Variants in ARAP1 observed in about 807,000 individuals in gnomAD.
The protein encoded by ARAP1 is arf-GAP with Rho-GAP domain, ANK repeat and PH domain-containing protein 1.
ARAP1 carries 76 observed loss-of-function variants against 172.2 expected under a neutral mutation model. The ratio of observed to expected loss-of-function variants is 0.44; its 90% CI spans 0.37 to 0.53. The LOEUF is 0.53. Among genes scored for constraint, ARAP1 ranks in the 20% least tolerant of loss-of-function variants. The pLI, the probability that ARAP1 is intolerant of heterozygous loss-of-function variation, is 0.00. For synonymous variants in ARAP1, 804 were observed against 803.3 expected (o/e 1.00, Z -0.01); for missense variants, 1,686 against 1,977.5 (o/e 0.85, Z 2.80).
In ARAP1 at chr11:72,693,227, TA is replaced by T. The variant is rs1856017908; in HGVS notation, c.3954+97del. 6.6e-7 allele frequency: 1 copy of T among 1,508,770 alleles called. No individual in the cohort carries two copies. The highest frequency in any genetic ancestry group is 1.9e-5 in the Admixed American group (1 of 53,632). The allele number at this position is 1,508,770 out of a possible 1,614,324, so 93.5% of individuals were successfully genotyped here. On this transcript the variant is annotated intron_variant, in intron 29 of 34. Coordinates refer to ENST00000393609, the MANE Select transcript of ARAP1 (RefSeq NM_001040118.3). The surrounding 1 kb of genome is among the most constrained non-coding windows in gnomAD (Gnocchi z 4.6). ...ACTGCTGTGCCATCCTGAGAGCCTG[TA>T]ACGGGAATATTTCCACTTGCAGACC...
At chr11:72,687,365 A>C (rs1855736209) in intron 33 of ARAP1, 74 bp downstream of exon 33, 1 of 1,576,694 alleles carries the variant, frequency 6.3e-7, no homozygotes, top group Non-Finnish European at 8.7e-7. Flanking sequence ...AATAGCACAG[A>C]AGCCAATGTC....
chr11:72,712,478 C>T lies in ARAP1; in HGVS notation c.838G>A (p.Asp280Asn). ...GEELSGDDQG[D>N]EEEDDHAYEG... ...TAGGCGTGGTCATCCTCTTCCTCATCCCCTTGGTCGTCCCCAGACAGTTCC... is the reference window on the plus strand; with the variant it reads ...TAGGCGTGGTCATCCTCTTCCTCATTCCCTTGGTCGTCCCCAGACAGTTCC... The change falls in exon 6 of 35, where the codon GAT (aspartate) becomes AAT (asparagine). Residue 280 changes from aspartate (D) to asparagine (N), a missense_variant. Coordinates refer to ENST00000393609, the MANE Select transcript of ARAP1 (RefSeq NM_001040118.3). 1.2e-6 allele frequency: 2 copies of T among 1,608,520 alleles called. No homozygotes were observed. The highest frequency in any genetic ancestry group is 1.7e-6 in the Non-Finnish European group (2 of 1,175,904).
intron 1 of ARAP1, among the ~76,000 whole-genome samples, chr11:72,734,260 A>G (rs754941304): frequency 6.6e-6 from 1 of 152,260 alleles, no homozygotes; most frequent in Admixed American, 6.5e-5. Context: ...AGCTGGAACT[A>G]CAAGTGCATG....
rs756738142 is a variant in ARAP1 at position 72,711,109 on chromosome 11, G to A, written c.1125C>T (p.Ala375=). The part of the protein sequence containing the change: ...DAYSKRFISV[A]CISHVAAIGD... ...CGATGGCAGCCACGTGGGAGATGCAGGCCACAGAGATAAAGCGCTTAGAGT... is the reference window on the plus strand; with the variant it reads ...CGATGGCAGCCACGTGGGAGATGCAAGCCACAGAGATAAAGCGCTTAGAGT... Residue 375 remains alanine (A), a synonymous_variant, in exon 9 of 35, where the codon GCC becomes GCT. Transcript: ENST00000393609. The A allele has an allele frequency of 3.7e-6, 6 of 1,614,208 alleles. No homozygotes were observed. The highest frequency in any genetic ancestry group is 5.1e-6 in the Non-Finnish European group (6 of 1,180,036).
At chr11:72,728,901 AT>A (rs893448866) in intron 2 of ARAP1, among the ~76,000 whole-genome samples, 1 of 152,126 alleles carries the variant, frequency 6.6e-6, no homozygotes, top group Non-Finnish European at 1.5e-5. Flanking sequence ...TATGTACAGA[AT>A]TTTTTTTGAA....
Position 72,710,592 on chromosome 11 carries a change from A to C in ARAP1, c.1214-5T>G. 6.2e-7 allele frequency: 1 copy of C among 1,602,948 alleles called. No homozygotes were observed. Among genetic ancestry groups the C allele is most frequent in the Non-Finnish European group, 8.5e-7 (1 of 1,178,284 alleles). On this transcript the variant is annotated splice_region_variant and splice_polypyrimidine_tract_variant and intron_variant, in intron 9 of 34. Transcript: ENST00000393609. This position sits in a 1 kb window ranked among gnomAD's most constrained non-coding sequence, Gnocchi z 4.3. Reference sequence around the variant, plus strand: ...GCATCCACTCCTTCCGCTCCACTGCAGGAGAAGGGTAGAGGAGTAAGCCCA... The same window carrying C: ...GCATCCACTCCTTCCGCTCCACTGCCGGAGAAGGGTAGAGGAGTAAGCCCA...
intron 5 of ARAP1, 67 bp downstream of exon 5, chr11:72,713,109 G>A: frequency 6.6e-7 from 1 of 1,517,496 alleles, no homozygotes; most frequent in Non-Finnish European, 9.1e-7. Context: ...TAGTCCTCAG[G>A]GTCTGACAGG....
intron 5 of ARAP1, 176 bp downstream of exon 5, chr11:72,713,000 G>T: frequency 1.5e-6 from 1 of 686,568 alleles, no homozygotes. Context: ...CTGGCCCAGA[G>T]CGCTGTGGCT....
chr11:72,712,662 G>A (rs745646963), intron 5 of ARAP1, 94 bp from the exon 6 acceptor site: 9 of 1,586,064 alleles, frequency 5.7e-6, no homozygotes, highest in Admixed American at 3.4e-5. Context: ...ACACAGCCCC[G>A]ACCCACACAG....
At chr11:72,708,962 T>C (rs1156289571) in intron 11 of ARAP1, among the ~76,000 whole-genome samples, 2 of 146,122 alleles carry the variant, frequency 1.4e-5, no homozygotes, top group East Asian at 4.1e-4. Context: ...CACTTGAACC[T>C]GGAGGCAGAG....
At chr11:72,723,337 A>G (rs959295815) in intron 3 of ARAP1, among the ~76,000 whole-genome samples, 6 of 152,146 alleles carry the variant, frequency 3.9e-5, no homozygotes, top group Non-Finnish European at 7.4e-5. Context: ...AATAATAATA[A>G]TAATAGCAGG....
chr11:72,710,100 G>T lies in ARAP1; in HGVS notation c.1417-124C>A. 1 of 901,874 alleles carries T rather than the reference G, an allele frequency of 1.1e-6. No homozygotes were observed. The highest frequency in any genetic ancestry group is 1.8e-6 in the Non-Finnish European group (1 of 556,806). The allele number at this position is 901,874 out of a possible 1,614,324, so 55.9% of individuals were successfully genotyped here. A position where few individuals can be genotyped will look rare whatever the true frequency, so the allele number is the denominator to read the frequency against. Reference sequence around the variant, plus strand: ...GGGGGGGGTGCCCAGGAGGGAGACAGCAGGGGACATGGGAGGCTGGGCAGG... The same window carrying T: ...GGGGGGGGTGCCCAGGAGGGAGACATCAGGGGACATGGGAGGCTGGGCAGG... On this transcript the variant is annotated intron_variant, in intron 10 of 34. Coordinates refer to ENST00000393609, the MANE Select transcript of ARAP1 (RefSeq NM_001040118.3). The surrounding 1 kb of genome is among the most constrained non-coding windows in gnomAD (Gnocchi z 4.3).
At position 72,702,911 on chromosome 11, in the gene ARAP1, T is replaced by C. The variant is rs1291643632; in HGVS notation, c.2161A>G (p.Thr721Ala). The C allele has an allele frequency of 3.9e-6, 6 of 1,553,384 alleles. No homozygotes were observed. The highest frequency in any genetic ancestry group is 1.7e-4 in the Middle Eastern group (1 of 5,966). ...LQMEFLRNNRTTEVPRLDSMK... is the reference protein window; with the variant it reads ...LQMEFLRNNRATEVPRLDSMK... ...CACCCTCTGCCACGCTCACCTGTGG[T>C]CCGGTTGTTCCGAAGGAATTCCATC... The change falls in exon 15 of 35, where the codon ACC becomes GCC. Residue 721 changes from threonine (T) to alanine (A), a missense_variant. By Grantham distance (58) the Thr-to-Ala change is moderately conservative (BLOSUM62 0). This residue lies in a region of ARAP1 where 688 missense variants were observed against 856.9 expected (regional missense o/e 0.80). Coordinates refer to ENST00000393609, the MANE Select transcript of ARAP1 (RefSeq NM_001040118.3).
chr11:72,714,276 G>A lies in ARAP1; in HGVS notation c.555C>T (p.Ser185=). Residue 185 remains serine (S), a synonymous_variant, in exon 4 of 35, where the codon TCC becomes TCT. Coordinates refer to ENST00000393609, the MANE Select transcript of ARAP1 (RefSeq NM_001040118.3). ...GCTCCTCAGACTGTGGCTGGGGAGG[G>A]GATGATAATGATGGCAGCAATGACT... ...EEESLLPSLS[S]PPQPQSEEPL... 1.9e-6 allele frequency: 3 copies of A among 1,544,342 alleles called. No homozygotes were observed. Among genetic ancestry groups the A allele is most frequent in the Non-Finnish European group, 2.6e-6 (3 of 1,144,980 alleles).
intron 1 of ARAP1, among the ~76,000 whole-genome samples, chr11:72,748,175 T>C (rs555502199): frequency 1.3e-5 from 2 of 152,340 alleles, no homozygotes; most frequent in South Asian, 2.1e-4. Flanking sequence ...GCCTGGCACA[T>C]AGTCAGCTTC....
intron 1 of ARAP1, among the ~76,000 whole-genome samples, chr11:72,748,769 C>T (rs1264786272): frequency 6.6e-6 from 1 of 152,196 alleles, no homozygotes; most frequent in African/African-American, 2.4e-5. Flanking sequence ...GGACTGTCCT[C>T]CTCAGATCCC....
rs755031588 is a variant in ARAP1 at position 72,712,332 on chromosome 11, A to C, written c.886T>G (p.Trp296Gly). ...HAYEGVPNGGWHTSSLSLSLP... is the reference protein window; with the variant it reads ...HAYEGVPNGGGHTSSLSLSLP... Reference sequence around the variant, plus strand: ...GACAAGCTCAGGCTGCTGGTATGCCATCCGCCACTAGCGAGAGATGAGGGG... The same window carrying C: ...GACAAGCTCAGGCTGCTGGTATGCCCTCCGCCACTAGCGAGAGATGAGGGG... The change falls in exon 7 of 35, where the codon TGG becomes GGG. Residue 296 changes from tryptophan to glycine, a missense_variant. Trp to Gly is a radical substitution (Grantham distance 184). This residue lies in a region of ARAP1 where 688 missense variants were observed against 856.9 expected (regional missense o/e 0.80). Transcript: ENST00000393609. 6.4e-7 allele frequency: 1 copy of C among 1,550,964 alleles called. No homozygotes were observed. The highest frequency in any genetic ancestry group is 8.7e-7 in the Non-Finnish European group (1 of 1,143,692).
intron 1 of ARAP1, among the ~76,000 whole-genome samples, chr11:72,750,487 AC>A (rs1250913918): frequency 4.1e-5 from 6 of 147,098 alleles, no homozygotes; most frequent in Non-Finnish European, 4.5e-5. Flanking sequence ...ACTCTCAGAC[AC>A]CCCCCCAACC....
chr11:72,693,048 G>A lies in ARAP1; in HGVS notation c.3955-263C>T, dbSNP rs1371659359. ...CATCAAGTAACAGGTTCCTGTGGAT[G>A]CAGTGATAAGGCACAGGCACAGTGA... On this transcript the variant is annotated intron_variant, in intron 29 of 34. Coordinates refer to ENST00000393609, the MANE Select transcript of ARAP1 (RefSeq NM_001040118.3). The surrounding 1 kb of genome is among the most constrained non-coding windows in gnomAD (Gnocchi z 4.6). The A allele has an allele frequency of 1.6e-6, 1 of 641,064 alleles. No individual in the cohort carries two copies. The highest frequency in any genetic ancestry group is 2.7e-6 in the Non-Finnish European group (1 of 366,696). The allele number at this position is 641,064 out of a possible 1,614,324, so 39.7% of individuals were successfully genotyped here. A position where few individuals can be genotyped will look rare whatever the true frequency, so the allele number is the denominator to read the frequency against.
Sources: gnomAD v4.1 joint callset for allele counts (sites outside exome capture counted in the v4.1 genomes callset) on GRCh38, gnomAD v4.1.1 for gene constraint, gnomAD v4.1.1 regional missense constraint, Gnocchi (gnomAD v3.1) non-coding constraint, MANE v1.5 for transcripts, NCBI Gene and HGNC (gene_info 2026-07-23, HGNC 2026-07-21) for gene names.